Variants in PLEKHA7 observed in about 807,000 individuals in gnomAD.
The protein encoded by PLEKHA7 is pleckstrin homology domain containing A7, also known as pleckstrin homology domain-containing family A member 7.
Under a neutral mutation model 170.0 loss-of-function variants are expected in PLEKHA7, and 104 were observed. The observed-to-expected ratio is 0.61, with a 90% CI of 0.52 to 0.72. PLEKHA7 has a LOEUF of 0.72. Ranked by LOEUF, PLEKHA7 falls within the 30% of genes least tolerant of loss-of-function variation. The probability of loss-of-function intolerance (pLI) is 0.00; values close to 1 mark genes in which losing one functional copy is unlikely to be tolerated. For synonymous variants in PLEKHA7, 648 were observed against 660.8 expected (o/e 0.98, Z 0.30); for missense variants, 1,615 against 1,671.7 (o/e 0.97, Z 0.59).
rs146554999 is a variant in PLEKHA7 at position 16,816,869 on chromosome 11, C to A, written c.1797G>T (p.Pro599=). 2 of 1,613,970 alleles carry A rather than the reference C, an allele frequency of 1.2e-6. No homozygotes were observed. Among genetic ancestry groups the A allele is most frequent in the Admixed American group, 1.7e-5 (1 of 60,000 alleles). Residue 599 remains proline (P), a synonymous_variant, in exon 11 of 27, where the codon CCG becomes CCT. Transcript: ENST00000531066. ...TPAERVTVKP[P]DQRRSVDISL... ...AGATGTCCACACTCCTCCTCTGGTC[C>A]GGTGGCTTCACTGTGACTCGCTCTG...
chr11:16,983,654 C>T (rs186040133), intron 3 of PLEKHA7, among the ~76,000 whole-genome samples: 15 of 152,322 alleles, frequency 9.8e-5, no homozygotes, highest in Non-Finnish European at 1.9e-4. Flanking sequence ...TCTCCACTGC[C>T]GCACCACCAC....
chr11:16,910,490 A>C (rs1389014178), intron 3 of PLEKHA7, among the ~76,000 whole-genome samples: 2 of 152,202 alleles, frequency 1.3e-5, no homozygotes, highest in South Asian at 2.1e-4. Flanking sequence ...AGCTCTGCAA[A>C]TTTTACAAGT....
At chr11:16,809,939 C>T (rs942180454) in intron 13 of PLEKHA7, among the ~76,000 whole-genome samples, 6 of 149,444 alleles carry the variant, frequency 4.0e-5, no homozygotes, top group Admixed American at 1.3e-4. Context: ...GTTGTGCTTC[C>T]TTTCTCCACC....
At chr11:16,961,630 C>G (rs1360773484) in intron 3 of PLEKHA7, among the ~76,000 whole-genome samples, 2 of 152,174 alleles carry the variant, frequency 1.3e-5, no homozygotes, top group African/African-American at 4.8e-5. Context: ...TTGTTTCAAC[C>G]TTGGTCCTCA....
At chr11:17,013,699 A>C (rs1865465200) in intron 3 of PLEKHA7, among the ~76,000 whole-genome samples, 1 of 152,188 alleles carries the variant, frequency 6.6e-6, no homozygotes. Context: ...AGGCGTGCCC[A>C]GCCCGCACAC....
At chr11:17,012,048 C>T (rs1865350759) in intron 3 of PLEKHA7, among the ~76,000 whole-genome samples, 1 of 152,186 alleles carries the variant, frequency 6.6e-6, no homozygotes, top group Non-Finnish European at 1.5e-5. Context: ...TACTGTGCTA[C>T]CACCCTCAGG....
At chr11:16,892,455 TTTTG>T (rs376166405) in intron 3 of PLEKHA7, among the ~76,000 whole-genome samples, 16,716 of 128,972 alleles carry the variant, frequency 0.13, 1,108 homozygotes, top group Admixed American at 0.17. Context: ...TTTTGTTTTG[TTTTG>T]TTTTGAGATA....
At chr11:16,915,998 A>G (rs1212254001) in intron 3 of PLEKHA7, among the ~76,000 whole-genome samples, 2 of 148,578 alleles carry the variant, frequency 1.3e-5, no homozygotes, top group Non-Finnish European at 3.0e-5. Context: ...AAGTGTTCCT[A>G]TTTCTCCACA....
chr11:16,815,875 AGGAGAGGCACT>A (rs1305877051), intron 12 of PLEKHA7, among the ~76,000 whole-genome samples: 1 of 152,176 alleles, frequency 6.6e-6, no homozygotes, highest in Non-Finnish European at 1.5e-5. Context: ...CAGGGAAGAA[AGGAGAGGCACT>A]GCCTGTGGAA....
chr11:16,830,984 CA>C (rs1276450230), intron 9 of PLEKHA7, among the ~76,000 whole-genome samples: 2 of 152,210 alleles, frequency 1.3e-5, no homozygotes, highest in Non-Finnish European at 2.9e-5. Flanking sequence ...ATAAATTTGA[CA>C]GAGGATGATA....
intron 13 of PLEKHA7, among the ~76,000 whole-genome samples, chr11:16,805,933 T>A (rs748107356): frequency 2.0e-5 from 3 of 152,204 alleles, no homozygotes; most frequent in African/African-American, 7.2e-5. Context: ...GGTGATGCCC[T>A]TCAGGGTGCT....
chr11:16,840,313 C>T (rs563102577), intron 9 of PLEKHA7, among the ~76,000 whole-genome samples: 5 of 152,272 alleles, frequency 3.3e-5, no homozygotes, highest in African/African-American at 1.2e-4. Context: ...GTAATCCCGG[C>T]ACTTTGGGAG....
intron 3 of PLEKHA7, among the ~76,000 whole-genome samples, chr11:16,981,990 C>T (rs551223206): frequency 2.0e-5 from 3 of 152,298 alleles, no homozygotes; most frequent in African/African-American, 7.2e-5. Context: ...CTCGGCCCTT[C>T]GGCATGCAAG....
At chr11:16,913,685 G>A (rs1858424398) in intron 3 of PLEKHA7, among the ~76,000 whole-genome samples, 1 of 152,236 alleles carries the variant, frequency 6.6e-6, no homozygotes, top group Admixed American at 6.5e-5. Context: ...GGCTGACCCA[G>A]TACTTAAATT....
intron 3 of PLEKHA7, among the ~76,000 whole-genome samples, chr11:16,965,910 T>G (rs1862343955): frequency 6.6e-6 from 1 of 151,858 alleles, no homozygotes; most frequent in African/African-American, 2.4e-5. Flanking sequence ...GGGCCAGGGG[T>G]GGTGGCTCAC....
At chr11:16,780,899 G>A (rs1002544038) in intron 26 of PLEKHA7, 29 of 743,898 alleles carry the variant, frequency 3.9e-5, no homozygotes, top group African/African-American at 3.4e-4. Context: ...GCGCTAGGGA[G>A]GTGCAGGAAG....
chr11:16,844,991 C>T (rs1852273849), intron 8 of PLEKHA7, among the ~76,000 whole-genome samples: 1 of 152,216 alleles, frequency 6.6e-6, no homozygotes. Flanking sequence ...AAGAGAAATA[C>T]TATGGACAAG....
intron 9 of PLEKHA7, among the ~76,000 whole-genome samples, chr11:16,826,922 C>T (rs1850704096): frequency 6.6e-6 from 1 of 152,206 alleles, no homozygotes; most frequent in South Asian, 2.1e-4. Flanking sequence ...GCCAGTGGCC[C>T]ACCTGGCTGA....
At chr11:16,970,178 A>T (rs1045059423) in intron 3 of PLEKHA7, among the ~76,000 whole-genome samples, 2 of 152,156 alleles carry the variant, frequency 1.3e-5, no homozygotes, top group African/African-American at 4.8e-5. Flanking sequence ...AACAAAACAG[A>T]TGAATCTGAA....
Sources: gnomAD v4.1 joint callset for allele counts (sites outside exome capture counted in the v4.1 genomes callset) on GRCh38, gnomAD v4.1.1 for gene constraint, MANE v1.5 for transcripts, NCBI Gene and HGNC (gene_info 2026-07-23, HGNC 2026-07-21) for gene names.